Variants in SPMIP11 observed in about 807,000 individuals in gnomAD.
SPMIP11 encodes the protein sperm microtubule inner protein 11, also known as long intergenic non-protein coding RNA 935.
chr12:48,766,507 T>C, the SPMIP11 span: 1 of 152,638 alleles, frequency 6.6e-6, no homozygotes, highest in African/African-American at 2.4e-5. Context: ...CCCTACCCCA[T>C]GGCACCAAGT....
the SPMIP11 span, among the ~76,000 whole-genome samples, chr12:48,751,981 C>T: frequency 6.6e-6 from 1 of 151,504 alleles, no homozygotes; most frequent in African/African-American, 2.4e-5. Context: ...GCATGAGAAT[C>T]TCTCGAACCT....
the SPMIP11 span, among the ~76,000 whole-genome samples, chr12:48,727,774 A>C: frequency 3.3e-5 from 5 of 152,310 alleles, no homozygotes; most frequent in Non-Finnish European, 7.3e-5. Context: ...AATTTGGGCC[A>C]GGTGCAGTAG....
At chr12:48,731,743 C>A in the SPMIP11 span, among the ~76,000 whole-genome samples, 1 of 152,258 alleles carries the variant, frequency 6.6e-6, no homozygotes, top group South Asian at 2.1e-4. Context: ...CCTCATCTCT[C>A]TCCCTCTCTC....
At chr12:48,731,123 G>A in the SPMIP11 span, among the ~76,000 whole-genome samples, 1 of 152,186 alleles carries the variant, frequency 6.6e-6, no homozygotes. Flanking sequence ...CTGTACAAAT[G>A]ATTGATGGTC....
At chr12:48,765,808 G>C in the SPMIP11 span, 18 of 629,070 alleles carry the variant, frequency 2.9e-5, no homozygotes, top group Non-Finnish European at 3.7e-5. Context: ...GTGTGCACGG[G>C]GGGAGCTGTG....
the SPMIP11 span, among the ~76,000 whole-genome samples, chr12:48,745,037 G>A: frequency 6.6e-6 from 1 of 152,084 alleles, no homozygotes; most frequent in African/African-American, 2.4e-5. Flanking sequence ...TTGGGAAGCC[G>A]AGGCGGGTGG....
At chr12:48,745,334 C>T in the SPMIP11 span, among the ~76,000 whole-genome samples, 110 of 151,856 alleles carry the variant, frequency 7.2e-4, no homozygotes, top group African/African-American at 2.6e-3. Flanking sequence ...CCTCCCACCT[C>T]ACCTCACATC....
At chr12:48,751,281 G>A in the SPMIP11 span, among the ~76,000 whole-genome samples, 1 of 152,182 alleles carries the variant, frequency 6.6e-6, no homozygotes, top group Non-Finnish European at 1.5e-5. Flanking sequence ...AGAGGCAAAT[G>A]GATGTGGGGA....
chr12:48,746,582 A>C, the SPMIP11 span, among the ~76,000 whole-genome samples: 2 of 151,342 alleles, frequency 1.3e-5, no homozygotes, highest in Admixed American at 1.3e-4. Flanking sequence ...GGTCAGGCTG[A>C]TCTCGAACCC....
At chr12:48,733,724 C>T in the SPMIP11 span, among the ~76,000 whole-genome samples, 1 of 147,960 alleles carries the variant, frequency 6.8e-6, no homozygotes, top group Admixed American at 6.9e-5. Context: ...GAATGTATAC[C>T]AAGGATAAGA....
chr12:48,759,439 A>G, the SPMIP11 span: 1 of 635,364 alleles, frequency 1.6e-6, no homozygotes, highest in Non-Finnish European at 2.9e-6. Context: ...CTGTAATCCT[A>G]GCACTTTGGG....
At chr12:48,771,317 C>A in the SPMIP11 span, 1 of 481,466 alleles carries the variant, frequency 2.1e-6, no homozygotes, top group South Asian at 2.2e-5. This position sits in a 1 kb window ranked among gnomAD's most constrained non-coding sequence, Gnocchi z 4.3. Context: ...CAGCCCATTC[C>A]TGATCTGGAT....
the SPMIP11 span, among the ~76,000 whole-genome samples, chr12:48,747,947 G>A: frequency 7.4e-3 from 1,128 of 152,252 alleles, 15 homozygotes; most frequent in African/African-American, 0.026. Context: ...TCTTCCTAGA[G>A]TGATGAGTAC....
chr12:48,750,004 G>T, the SPMIP11 span, among the ~76,000 whole-genome samples: 3 of 151,484 alleles, frequency 2.0e-5, no homozygotes, highest in East Asian at 2.0e-4. Context: ...CTCTGGATCT[G>T]CCATTCTCTC....
At chr12:48,744,087 A>G in the SPMIP11 span, among the ~76,000 whole-genome samples, 1 of 151,390 alleles carries the variant, frequency 6.6e-6, no homozygotes, top group Admixed American at 6.6e-5. Flanking sequence ...CATCTCTACT[A>G]AAAATATAAA....
chr12:48,768,664 C>T, the SPMIP11 span: 117 of 1,614,066 alleles, frequency 7.2e-5, no homozygotes, highest in Non-Finnish European at 9.3e-5. Flanking sequence ...CACCCCTCGA[C>T]ACTCCAGCTG....
the SPMIP11 span, among the ~76,000 whole-genome samples, chr12:48,729,658 C>T: frequency 1.3e-5 from 2 of 149,968 alleles, no homozygotes; most frequent in East Asian, 2.0e-4. Flanking sequence ...TGCAGTGAGC[C>T]GAGATCGCGC....
At chr12:48,730,531 CTTA>C in the SPMIP11 span, among the ~76,000 whole-genome samples, 1 of 152,204 alleles carries the variant, frequency 6.6e-6, no homozygotes, top group Non-Finnish European at 1.5e-5. Flanking sequence ...TAAACAACTA[CTTA>C]TTATGCAGTA....
At chr12:48,735,709 T>C in the SPMIP11 span, among the ~76,000 whole-genome samples, 1 of 151,784 alleles carries the variant, frequency 6.6e-6, no homozygotes, top group Admixed American at 6.6e-5. Flanking sequence ...CATGGCTAAA[T>C]CCCGTCTCTA....
Sources: allele counts gnomAD v4.1 joint callset (sites outside exome capture counted in the v4.1 genomes callset), GRCh38; gene constraint gnomAD v4.1.1; non-coding constraint Gnocchi (gnomAD v3.1); transcripts MANE v1.5; gene names NCBI Gene and HGNC (gene_info 2026-07-23, HGNC 2026-07-21).